Variants in NALCN observed in about 807,000 individuals in gnomAD.
The protein encoded by NALCN is sodium leak channel, non-selective.
A neutral mutation model predicts 225.3 loss-of-function variants in NALCN; 111 were observed. The ratio of observed to expected loss-of-function variants is 0.49; its 90% CI spans 0.42 to 0.58. The LOEUF (loss-of-function observed/expected upper bound fraction) is 0.58. NALCN is among the 20% of genes least tolerant of loss of function. NALCN has a pLI of 0.00. For missense variants in NALCN, 1,378 were observed against 2,202.4 expected (o/e 0.63, Z 7.49); for synonymous variants, 764 against 769.0 (o/e 0.99, Z 0.11).
intron 1 of NALCN, among the ~76,000 whole-genome samples, chr13:101,401,310 A>T (rs2047472194): frequency 6.6e-6 from 1 of 151,680 alleles, no homozygotes; most frequent in African/African-American, 2.4e-5. Flanking sequence ...TCTCTGATGT[A>T]CTGGTAGTGG....
rs544023549 is a variant in NALCN at position 101,192,717 on chromosome 13, G to A, written c.1627-663C>T. 2.3e-3 allele frequency among the ~76,000 whole-genome samples: 346 copies of A among 152,086 alleles called. 1 individual carries two copies. Among genetic ancestry groups the A allele is most frequent in the African/African-American group, 5.7e-3 (236 of 41,526 alleles). On this transcript the variant is annotated intron_variant, in intron 13 of 43. Coordinates refer to ENST00000251127, the MANE Select transcript of NALCN (RefSeq NM_052867.4). ...ATAAAAAATAGAGCATTCCAACAAA[G>A]GCCAGCCAAGCTAAAAATCTCACAC...
rs375175572 is a variant in NALCN, at chr13:101,176,385, G to A, written c.1765-11C>T. The A allele has an allele frequency of 2.1e-5, 33 of 1,580,408 alleles. No homozygotes were observed. Among genetic ancestry groups the A allele is most frequent in the Non-Finnish European group, 2.7e-5 (31 of 1,168,118 alleles). On this transcript the variant is annotated splice_polypyrimidine_tract_variant and intron_variant, in intron 14 of 43. Coordinates refer to ENST00000251127, the MANE Select transcript of NALCN (RefSeq NM_052867.4). ...CAAACTCAGGAGGATCTATAAAATGGTGAAATAACAATGAAAAAACCCACA... is the reference window on the plus strand; with the variant it reads ...CAAACTCAGGAGGATCTATAAAATGATGAAATAACAATGAAAAAACCCACA...
At chr13:101,302,839 C>T (rs557218832) in intron 7 of NALCN, among the ~76,000 whole-genome samples, 3 of 150,190 alleles carry the variant, frequency 2.0e-5, no homozygotes, top group African/African-American at 4.8e-5. Flanking sequence ...CTTCAGTAAG[C>T]TTCCAAAGCC....
chr13:101,179,825 C>T (rs1159241689), intron 14 of NALCN, among the ~76,000 whole-genome samples: 1 of 152,098 alleles, frequency 6.6e-6, no homozygotes, highest in Non-Finnish European at 1.5e-5. Context: ...GGCCAGAGTC[C>T]AAAATTGAGT....
intron 17 of NALCN, among the ~76,000 whole-genome samples, chr13:101,137,537 A>T (rs651569): frequency 0.049 from 7,481 of 152,242 alleles, 285 homozygotes; most frequent in African/African-American, 0.11. Context: ...AATAAAAAAA[A>T]CGGAAGAGTA....
In NALCN at chr13:101,292,150, C is replaced by A. The variant is rs886146595; in HGVS notation, c.943-56G>T. On this transcript the variant is annotated intron_variant, in intron 8 of 43. Transcript: ENST00000251127. This position sits in a 1 kb window ranked among gnomAD's most constrained non-coding sequence, Gnocchi z 4.3. ...AGTCTAAGAATGACAAAGCAGAGGGCAACCAAAACCAAACAAAAGATCTGC... is the reference window on the plus strand; with the variant it reads ...AGTCTAAGAATGACAAAGCAGAGGGAAACCAAAACCAAACAAAAGATCTGC... 2 of 1,611,702 alleles carry A rather than the reference C, an allele frequency of 1.2e-6. No homozygotes were observed. Among genetic ancestry groups the A allele is most frequent in the Non-Finnish European group, 1.7e-6 (2 of 1,178,576 alleles).
chr13:101,269,302 T>C (rs1002101246), intron 10 of NALCN, among the ~76,000 whole-genome samples: 13 of 151,848 alleles, frequency 8.6e-5, no homozygotes, highest in Non-Finnish European at 1.6e-4. Context: ...TCATAGTAGA[T>C]TCAACAATAA....
chr13:101,134,486 ATTG>A (rs1457196442), intron 17 of NALCN, among the ~76,000 whole-genome samples: 1 of 152,178 alleles, frequency 6.6e-6, no homozygotes, highest in African/African-American at 2.4e-5. Context: ...AGCACTGTGC[ATTG>A]TTGGTGCTTG....
chr13:101,322,301 C>T (rs1338042), intron 7 of NALCN, among the ~76,000 whole-genome samples: 89,958 of 151,990 alleles, frequency 0.59, 26,956 homozygotes, highest in East Asian at 0.78. Context: ...TCAATGTGAA[C>T]AATACAGATG....
At chr13:101,139,389 T>A (rs1594288645) in intron 17 of NALCN, among the ~76,000 whole-genome samples, 4 of 152,342 alleles carry the variant, frequency 2.6e-5, no homozygotes, top group Admixed American at 2.6e-4. Flanking sequence ...GCTTCACTAT[T>A]TTCCCTGGAA....
intron 9 of NALCN, among the ~76,000 whole-genome samples, chr13:101,288,983 T>A (rs1346509891): frequency 6.6e-6 from 1 of 152,184 alleles, no homozygotes; most frequent in South Asian, 2.1e-4. Context: ...AGGTCTGGGT[T>A]AGTGAGATAC....
intron 14 of NALCN, among the ~76,000 whole-genome samples, chr13:101,181,855 C>T (rs575493378): frequency 5.3e-5 from 8 of 152,218 alleles, no homozygotes; most frequent in East Asian, 1.9e-4. Context: ...GTTTTCTAGC[C>T]GGGTGCAGTG....
At chr13:101,300,021 TAA>T (rs71767864) in intron 7 of NALCN, among the ~76,000 whole-genome samples, 3 of 144,396 alleles carry the variant, frequency 2.1e-5, no homozygotes, top group Non-Finnish European at 1.5e-5. Context: ...GTGACATAAT[TAA>T]AAAAAAAAAG....
chr13:101,092,513 C>T (rs1379121159), intron 28 of NALCN, among the ~76,000 whole-genome samples: 3 of 152,168 alleles, frequency 2.0e-5, no homozygotes, highest in Non-Finnish European at 4.4e-5. Context: ...TCCTCCTCAC[C>T]TGCCTCTGAC....
Position 101,112,493 on chromosome 13 carries a change from G to A in NALCN, c.2193-1267C>T, listed in dbSNP as rs1214255602. Among the ~76,000 whole-genome samples the A allele has an allele frequency of 4.6e-5, 7 of 152,158 alleles. No homozygotes were observed. The South Asian group carries it at 1.5e-3, about 32-fold the overall frequency. On this transcript the variant is annotated intron_variant, in intron 18 of 43. Transcript: ENST00000251127. Reference sequence around the variant, plus strand: ...ATTCCCTTGAGATAGTTGATAAGTGGCAAGAAAATAACACAAGGGATTAAA... The same window carrying A: ...ATTCCCTTGAGATAGTTGATAAGTGACAAGAAAATAACACAAGGGATTAAA...
intron 7 of NALCN, among the ~76,000 whole-genome samples, chr13:101,325,554 C>A (rs1054642831): frequency 3.3e-5 from 5 of 152,158 alleles, no homozygotes; most frequent in Non-Finnish European, 5.9e-5. Flanking sequence ...GGGCAAAGGG[C>A]CTCTTAAGCC....
intron 6 of NALCN, among the ~76,000 whole-genome samples, chr13:101,376,471 C>T (rs1049990470): frequency 6.6e-6 from 1 of 151,818 alleles, no homozygotes; most frequent in Non-Finnish European, 1.5e-5. Flanking sequence ...GAACCGAGAT[C>T]GCGCCACTGC....
chr13:101,305,372 T>C (rs2044121410), intron 7 of NALCN, among the ~76,000 whole-genome samples: 1 of 152,240 alleles, frequency 6.6e-6, no homozygotes, highest in Non-Finnish European at 1.5e-5. Flanking sequence ...AAATTTGCTA[T>C]TGCCTAATGG....
At chr13:101,288,788 G>C (rs1179441080) in intron 9 of NALCN, among the ~76,000 whole-genome samples, 2 of 152,194 alleles carry the variant, frequency 1.3e-5, no homozygotes, top group East Asian at 1.9e-4. Flanking sequence ...TCAGAAGCCT[G>C]CTTTCTGTCT....
Sources: allele counts gnomAD v4.1 joint callset (sites outside exome capture counted in the v4.1 genomes callset), GRCh38; gene constraint gnomAD v4.1.1; non-coding constraint Gnocchi (gnomAD v3.1); transcripts MANE v1.5; gene names NCBI Gene and HGNC (gene_info 2026-07-23, HGNC 2026-07-21).